DLG2: variants seen among roughly 807,000 people sequenced by gnomAD.
DLG2 encodes discs large MAGUK scaffold protein 2.
In DLG2, 45 loss-of-function variants were observed where a neutral mutation model predicts 132.5. The ratio of observed to expected loss-of-function variants is 0.34; its 90% CI spans 0.27 to 0.44. DLG2 has a LOEUF of 0.44. Among genes scored for constraint, DLG2 ranks in the 20% least tolerant of loss-of-function variants. DLG2 has a pLI of 1.00. For synonymous variants in DLG2, 424 were observed against 419.6 expected (o/e 1.01, Z -0.13); for missense variants, 1,045 against 1,196.9 (o/e 0.87, Z 1.87).
At chr11:84,216,012 T>C (rs2096831396) in intron 8 of DLG2, among the ~76,000 whole-genome samples, 1 of 152,202 alleles carries the variant, frequency 6.6e-6, no homozygotes, top group South Asian at 2.1e-4. Flanking sequence ...AAATAGCCAT[T>C]AATTATCTCA....
chr11:85,268,244 C>G (rs1402283592), intron 4 of DLG2, among the ~76,000 whole-genome samples: 1 of 152,148 alleles, frequency 6.6e-6, no homozygotes, highest in Admixed American at 6.5e-5. Context: ...AAAGCCATCC[C>G]TCTGCTCACT....
chr11:84,053,335 T>G (rs117247674), intron 11 of DLG2, among the ~76,000 whole-genome samples: 1,776 of 152,022 alleles, frequency 0.012, 15 homozygotes, highest in Middle Eastern at 0.041. Flanking sequence ...GCTTAATACC[T>G]AGGTGATGGG....
At chr11:85,242,783 GTCT>G (rs955202399) in intron 4 of DLG2, among the ~76,000 whole-genome samples, 3 of 151,632 alleles carry the variant, frequency 2.0e-5, no homozygotes, top group Non-Finnish European at 4.4e-5. Context: ...AGAAAACCTT[GTCT>G]TTCTAACACC....
chr11:83,620,937 C>T (rs568982584), intron 19 of DLG2, among the ~76,000 whole-genome samples: 1 of 147,282 alleles, frequency 6.8e-6, no homozygotes, highest in East Asian at 2.0e-4. Flanking sequence ...CCAAAATACT[C>T]AAGATTAAGA....
intron 8 of DLG2, among the ~76,000 whole-genome samples, chr11:84,245,946 G>A (rs750574033): frequency 1.2e-4 from 19 of 152,138 alleles, no homozygotes; most frequent in Non-Finnish European, 2.4e-4. Context: ...GGCCAATTGG[G>A]TGTTGGTGGA....
At chr11:84,306,832 T>C (rs2098224482) in intron 7 of DLG2, among the ~76,000 whole-genome samples, 4 of 152,062 alleles carry the variant, frequency 2.6e-5, no homozygotes, top group African/African-American at 9.7e-5. Flanking sequence ...TATTGAAAAG[T>C]CAAAAAATAA....
chr11:84,893,794 A>C (rs954847628), intron 6 of DLG2, among the ~76,000 whole-genome samples: 3 of 152,152 alleles, frequency 2.0e-5, no homozygotes, highest in African/African-American at 7.2e-5. Flanking sequence ...AGATGCTATT[A>C]TTATTAATAT....
intron 15 of DLG2, among the ~76,000 whole-genome samples, chr11:83,920,671 C>T (rs2077707964): frequency 6.6e-6 from 1 of 152,098 alleles, no homozygotes; most frequent in Non-Finnish European, 1.5e-5. Context: ...TCAGGTATTG[C>T]TCTCAGCACT....
intron 5 of DLG2, among the ~76,000 whole-genome samples, chr11:85,117,621 A>G (rs997834839): frequency 6.6e-6 from 1 of 151,612 alleles, no homozygotes; most frequent in Non-Finnish European, 1.5e-5. Flanking sequence ...GAAAAAAAAA[A>G]AAAAGTAATC....
chr11:83,756,364 C>G (rs972426262), intron 18 of DLG2, among the ~76,000 whole-genome samples: 4 of 151,288 alleles, frequency 2.6e-5, no homozygotes, highest in African/African-American at 9.8e-5. Context: ...TATAAGATTG[C>G]CAAATGCATT....
chr11:85,126,735 CA>C (rs1376163848), intron 5 of DLG2, among the ~76,000 whole-genome samples: 1 of 151,714 alleles, frequency 6.6e-6, no homozygotes, highest in African/African-American at 2.4e-5. Flanking sequence ...AAGTGCACCA[CA>C]AAAAAAGATA....
chr11:85,412,817 G>A (rs1463178165), intron 3 of DLG2, among the ~76,000 whole-genome samples: 1 of 149,436 alleles, frequency 6.7e-6, no homozygotes, highest in Non-Finnish European at 1.5e-5. Context: ...ATTGATGGAT[G>A]GGCATTTGGG....
intron 7 of DLG2, among the ~76,000 whole-genome samples, chr11:84,267,407 A>T (rs1472283538): frequency 6.6e-6 from 1 of 152,204 alleles, no homozygotes; most frequent in Non-Finnish European, 1.5e-5. Flanking sequence ...TTTGAAGACC[A>T]CTGTCCTCAG....
intron 6 of DLG2, among the ~76,000 whole-genome samples, chr11:84,977,497 G>A (rs1360765116): frequency 6.6e-6 from 1 of 152,082 alleles, no homozygotes; most frequent in African/African-American, 2.4e-5. Flanking sequence ...TTCCATTACA[G>A]AAAGCATCTA....
chr11:83,779,267 G>C (rs2094709712), intron 18 of DLG2, among the ~76,000 whole-genome samples: 1 of 151,934 alleles, frequency 6.6e-6, no homozygotes, highest in Non-Finnish European at 1.5e-5. Flanking sequence ...AGGATGGAAA[G>C]AGAAAAACTG....
chr11:83,730,258 G>T (rs1332726963), intron 18 of DLG2, among the ~76,000 whole-genome samples: 7 of 140,434 alleles, frequency 5.0e-5, no homozygotes, highest in South Asian at 2.3e-4. Flanking sequence ...ATACCTCTTT[G>T]TCAGAAACAT....
At chr11:85,577,157 G>T (rs2078205679) in intron 3 of DLG2, among the ~76,000 whole-genome samples, 1 of 152,114 alleles carries the variant, frequency 6.6e-6, no homozygotes, top group South Asian at 2.1e-4. Context: ...TTAAAATACT[G>T]AGATAAACTA....
intron 8 of DLG2, among the ~76,000 whole-genome samples, chr11:84,239,931 C>T (rs1350881480): frequency 6.6e-6 from 1 of 152,206 alleles, no homozygotes; most frequent in Non-Finnish European, 1.5e-5. Flanking sequence ...CTGCTTCTCC[C>T]CAATATTCAT....
chr11:84,876,980 T>C (rs555102471), intron 6 of DLG2, among the ~76,000 whole-genome samples: 2 of 152,332 alleles, frequency 1.3e-5, no homozygotes, highest in East Asian at 3.9e-4. Context: ...AGTTTCTATG[T>C]AGTTGTGTGA....
Sources: gnomAD v4.1 joint callset for allele counts (sites outside exome capture counted in the v4.1 genomes callset) on GRCh38, gnomAD v4.1.1 for gene constraint, MANE v1.5 for transcripts, NCBI Gene and HGNC (gene_info 2026-07-23, HGNC 2026-07-21) for gene names.